Variants in DPY19L1 observed in about 807,000 individuals in gnomAD.
DPY19L1 encodes dpy-19 like C-mannosyltransferase 1.
Under a neutral mutation model 96.9 loss-of-function variants are expected in DPY19L1, and 35 were observed. The observed-to-expected ratio is 0.36, with a 90% CI of 0.28 to 0.48. The LOEUF (loss-of-function observed/expected upper bound fraction) is 0.48, where lower values mean the gene tolerates loss of function less well. DPY19L1 is among the 20% of genes least tolerant of loss of function. The pLI is 0.99. For synonymous variants in DPY19L1, 205 were observed against 252.6 expected (o/e 0.81, Z 1.79); for missense variants, 521 against 777.9 (o/e 0.67, Z 3.93).
chr7:34,979,181 G>T (rs1784889318), intron 7 of DPY19L1, among the ~76,000 whole-genome samples: 1 of 152,062 alleles, frequency 6.6e-6, no homozygotes, highest in Non-Finnish European at 1.5e-5. Context: ...ACACCTCCAT[G>T]TTTCCATCCA....
rs1785739623 is a variant in DPY19L1, at chr7:35,012,641, T to A, written c.549+927A>T. On this transcript the variant is annotated intron_variant, in intron 4 of 21. Coordinates refer to ENST00000638088, the MANE Select transcript of DPY19L1 (RefSeq NM_001366673.1). ...ACCAATTCCAGATAAATTAAAAATGTAAATTAAAAAAAATTATGATTATAA... is the reference window on the plus strand; with the variant it reads ...ACCAATTCCAGATAAATTAAAAATGAAAATTAAAAAAAATTATGATTATAA... Among the ~76,000 whole-genome samples the A allele has an allele frequency of 6.6e-5, 10 of 152,140 alleles. No individual in the cohort carries two copies. The South Asian group carries it at 2.1e-3, about 32-fold the overall frequency.
intron 6 of DPY19L1, among the ~76,000 whole-genome samples, chr7:35,006,023 G>T (rs1785547473): frequency 6.6e-6 from 1 of 152,054 alleles, no homozygotes; most frequent in African/African-American, 2.4e-5. Flanking sequence ...ATTCCACCAG[G>T]CCTCTGTATC....
At chr7:34,979,511 A>C (rs1460902497) in intron 7 of DPY19L1, among the ~76,000 whole-genome samples, 1 of 152,148 alleles carries the variant, frequency 6.6e-6, no homozygotes, top group Non-Finnish European at 1.5e-5. Context: ...TTAGTAGAAT[A>C]TACTCTTAGG....
chr7:34,992,666 C>T (rs1192257742), intron 6 of DPY19L1, among the ~76,000 whole-genome samples: 1 of 151,822 alleles, frequency 6.6e-6, no homozygotes, highest in East Asian at 1.9e-4. Flanking sequence ...CCTGCCTCAG[C>T]CTCCAGAGTA....
chr7:34,984,473 G>A (rs1166856733), intron 7 of DPY19L1, among the ~76,000 whole-genome samples: 5 of 152,332 alleles, frequency 3.3e-5, no homozygotes, highest in Middle Eastern at 6.8e-3. Flanking sequence ...GAAGAGTGAC[G>A]TGAGACAAAA....
chr7:35,003,845 G>T (rs1332079212), intron 6 of DPY19L1, among the ~76,000 whole-genome samples: 1 of 152,220 alleles, frequency 6.6e-6, no homozygotes, highest in African/African-American at 2.4e-5. Flanking sequence ...GTCTCTCAGG[G>T]GAGTTGCAGT....
chr7:35,012,290 T>C (rs1785731304), intron 4 of DPY19L1, among the ~76,000 whole-genome samples: 1 of 152,150 alleles, frequency 6.6e-6, no homozygotes, highest in Admixed American at 6.5e-5. Flanking sequence ...ACAGTGACTG[T>C]ATCAAAGCTC....
intron 21 of DPY19L1, among the ~76,000 whole-genome samples, chr7:34,932,133 T>C (rs1012114447): frequency 6.6e-6 from 1 of 152,206 alleles, no homozygotes. Context: ...AGAGACCAGG[T>C]ATCTAGCACC....
intron 8 of DPY19L1, among the ~76,000 whole-genome samples, chr7:34,969,979 G>C: frequency 6.6e-6 from 1 of 152,314 alleles, no homozygotes; most frequent in Middle Eastern, 3.4e-3. Flanking sequence ...AAGCATGTGA[G>C]ATAAAAAGTT....
In DPY19L1 at chr7:35,037,450, C is replaced by T. The variant is rs1455020141; in HGVS notation, c.-56G>A. The T allele has an allele frequency of 1.9e-4, 59 of 311,006 alleles. No individual in the cohort carries two copies. In the East Asian group the frequency reaches 2.3e-3, roughly 12 times the overall value. 19.3% of individuals were successfully genotyped at this position (311,006 alleles called of 1,614,324 possible). A position where few individuals can be genotyped will look rare whatever the true frequency, so the allele number is the denominator to read the frequency against. On this transcript the variant is annotated 5_prime_UTR_variant, in exon 1 of 22. Transcript: ENST00000638088. Reference sequence around the variant, plus strand: ...CGCCCGGACGGCGGCCAGAGAACGGCGGGCTGGCTGGGCGGCTGGGCGCAG... The same window carrying T: ...CGCCCGGACGGCGGCCAGAGAACGGTGGGCTGGCTGGGCGGCTGGGCGCAG...
intron 10 of DPY19L1, among the ~76,000 whole-genome samples, chr7:34,963,127 G>T (rs1158649766): frequency 6.6e-6 from 1 of 150,574 alleles, no homozygotes; most frequent in African/African-American, 2.4e-5. Flanking sequence ...CCCGGGAGGC[G>T]GAGGTTGCAG....
chr7:34,999,174 T>C (rs1785366271), intron 6 of DPY19L1, among the ~76,000 whole-genome samples: 2 of 152,130 alleles, frequency 1.3e-5, no homozygotes, highest in South Asian at 4.1e-4. Context: ...ATCATGACCT[T>C]TTACGGGACT....
chr7:35,003,544 G>A (rs1313687413), intron 6 of DPY19L1, among the ~76,000 whole-genome samples: 1 of 152,222 alleles, frequency 6.6e-6, no homozygotes, highest in African/African-American at 2.4e-5. Flanking sequence ...AGAGAGCCAG[G>A]GTAAACAGTG....
At chr7:35,027,643 C>T (rs1947900919) in intron 1 of DPY19L1, among the ~76,000 whole-genome samples, 1 of 126,668 alleles carries the variant, frequency 7.9e-6, no homozygotes, top group Admixed American at 9.2e-5. Context: ...CATCCCCGGC[C>T]AACATGGCAA....
At chr7:34,971,890 T>C (rs562051035) in intron 8 of DPY19L1, among the ~76,000 whole-genome samples, 1 of 152,112 alleles carries the variant, frequency 6.6e-6, no homozygotes, top group Non-Finnish European at 1.5e-5. Context: ...TCATGTTGCA[T>C]GGCAAAGGGG....
chr7:34,982,333 G>C (rs1252378205), intron 7 of DPY19L1, among the ~76,000 whole-genome samples: 2 of 152,180 alleles, frequency 1.3e-5, no homozygotes, highest in African/African-American at 2.4e-5. Flanking sequence ...GAAGTATTTA[G>C]GGGTGAGACA....
chr7:35,009,117 A>G (rs1785639135), intron 6 of DPY19L1, among the ~76,000 whole-genome samples: 1 of 152,230 alleles, frequency 6.6e-6, no homozygotes, highest in South Asian at 2.1e-4. Context: ...ATGCAAATAT[A>G]TTTTACATTG....
At chr7:35,030,741 T>C (rs935006868) in intron 1 of DPY19L1, among the ~76,000 whole-genome samples, 1 of 152,142 alleles carries the variant, frequency 6.6e-6, no homozygotes, top group African/African-American at 2.4e-5. Flanking sequence ...GCTACAATAG[T>C]TGTAGATTTA....
intron 1 of DPY19L1, among the ~76,000 whole-genome samples, chr7:35,034,128 T>C (rs1052163093): frequency 6.6e-6 from 1 of 152,070 alleles, no homozygotes; most frequent in Non-Finnish European, 1.5e-5. Flanking sequence ...GGGGAAAAGG[T>C]AGTTTTTATC....
Sources: gnomAD v4.1 joint callset for allele counts (sites outside exome capture counted in the v4.1 genomes callset) on GRCh38, gnomAD v4.1.1 for gene constraint, MANE v1.5 for transcripts, NCBI Gene and HGNC (gene_info 2026-07-23, HGNC 2026-07-21) for gene names.